The following TIAM2 variants were observed in gnomAD, a reference collection of about 807,000 sequenced individuals.
TIAM2 encodes TIAM Rac1 associated GEF 2, also known as rho guanine nucleotide exchange factor TIAM2.
Under a neutral mutation model 152.9 loss-of-function variants are expected in TIAM2, and 80 were observed. The observed-to-expected ratio is 0.52, with a 90% CI of 0.44 to 0.63. TIAM2 has a LOEUF of 0.63. Ranked by LOEUF, TIAM2 falls within the 30% of genes least tolerant of loss-of-function variation. The pLI, the probability that TIAM2 is intolerant of heterozygous loss-of-function variation, is 0.00. For missense variants in TIAM2, 1,965 were observed against 2,120.1 expected, an observed-to-expected ratio of 0.93 and a Z score of 1.44; for synonymous variants, 804 against 838.0, an observed-to-expected ratio of 0.96 and a Z score of 0.70.
intron 1 of TIAM2, among the ~76,000 whole-genome samples, chr6:155,011,758 AAAC>A (rs778495409): frequency 2.0e-5 from 3 of 152,258 alleles, no homozygotes; most frequent in Non-Finnish European, 4.4e-5. Context: ...GGGAGACAGT[AAAC>A]TTTTGATCAG....
At chr6:155,083,117 A>G (rs1001888080) in intron 1 of TIAM2, among the ~76,000 whole-genome samples, 7 of 151,890 alleles carry the variant, frequency 4.6e-5, no homozygotes, top group Admixed American at 3.9e-4. Context: ...GGAGACCGAG[A>G]CAGGTGGATC....
intron 1 of TIAM2, among the ~76,000 whole-genome samples, chr6:155,082,075 C>T (rs896042821): frequency 1.7e-4 from 26 of 152,040 alleles, no homozygotes; most frequent in African/African-American, 5.3e-4. Flanking sequence ...CAGGCGCAGT[C>T]GCTTACACCT....
intron 16 of TIAM2, among the ~76,000 whole-genome samples, chr6:155,242,467 T>C (rs984648665): frequency 5.9e-5 from 9 of 152,212 alleles, no homozygotes; most frequent in Non-Finnish European, 1.0e-4. Context: ...GCGTGGAATA[T>C]GGTGAGGGAA....
intron 1 of TIAM2, among the ~76,000 whole-genome samples, chr6:155,038,555 A>C (rs1776963310): frequency 6.6e-6 from 1 of 152,200 alleles, no homozygotes; most frequent in Non-Finnish European, 1.5e-5. Context: ...AACTACTAAG[A>C]CAATGCTGAT....
In TIAM2 at chr6:155,029,328, CT is replaced by C. The variant is rs1562294961; in HGVS notation, c.-209+33837del. Among the ~76,000 whole-genome samples, 56 of 106,714 alleles carry C rather than the reference CT, an allele frequency of 5.2e-4. 2 individuals are homozygous for C. Among genetic ancestry groups the C allele is most frequent in the African/African-American group, 1.9e-3 (54 of 28,794 alleles). The allele number at this position is 106,714 out of a possible 152,430, so 70.0% of individuals were successfully genotyped here. A position where few individuals can be genotyped will look rare whatever the true frequency, so the allele number is the denominator to read the frequency against. The stretch of plus-strand genomic sequence containing the variant: ...CTATGTGTTATATATACTATATGTA[CT>C]ATGTGTTATATATAATATATATACG... On this transcript the variant is annotated intron_variant, in intron 1 of 26. Coordinates refer to ENST00000682666, the MANE Select transcript of TIAM2 (RefSeq NM_012454.4).
Position 155,218,594 on chromosome 6 carries a change from C to T in TIAM2, c.3168+7287C>T, listed in dbSNP as rs1222099452. On this transcript the variant is annotated intron_variant, in intron 15 of 26. Coordinates refer to ENST00000682666, the MANE Select transcript of TIAM2 (RefSeq NM_012454.4). This position sits in a 1 kb window ranked among gnomAD's most constrained non-coding sequence, Gnocchi z 4.5. ...ACGTGAGATTATGTCCAACTAGGAG[C>T]ACTGGAAGCAGGGGAGAGAGGATTA... Among the ~76,000 whole-genome samples, 1 of 152,184 alleles carries T rather than the reference C, an allele frequency of 6.6e-6. No homozygotes were observed. Among genetic ancestry groups the T allele is most frequent in the Non-Finnish European group, 1.5e-5 (1 of 68,038 alleles).
intron 15 of TIAM2, among the ~76,000 whole-genome samples, chr6:155,229,100 C>T (rs1021290397): frequency 6.6e-6 from 1 of 152,240 alleles, no homozygotes; most frequent in Non-Finnish European, 1.5e-5. Context: ...TCATTCCAGC[C>T]CTGGCCTTCT....
intron 2 of TIAM2, among the ~76,000 whole-genome samples, chr6:155,099,218 ATATGTGTG>A (rs1238555042): frequency 1.4e-3 from 80 of 57,718 alleles, no homozygotes; most frequent in African/African-American, 4.2e-3. Flanking sequence ...GTGTATATAT[ATATGTGTG>A]TGTGTGTGTG....
At chr6:155,217,752 G>A (rs535720593) in intron 15 of TIAM2, among the ~76,000 whole-genome samples, 4 of 152,298 alleles carry the variant, frequency 2.6e-5, no homozygotes, top group Non-Finnish European at 4.4e-5. Flanking sequence ...GATACACAGC[G>A]TGACAACTGT....
intron 6 of TIAM2, among the ~76,000 whole-genome samples, chr6:155,145,213 G>A (rs1470800476): frequency 6.6e-6 from 1 of 152,176 alleles, no homozygotes; most frequent in Non-Finnish European, 1.5e-5. Flanking sequence ...AACCCTCATA[G>A]ACAAATGCTA....
chr6:155,177,606 T>A (rs1780787548), intron 10 of TIAM2, among the ~76,000 whole-genome samples: 1 of 152,210 alleles, frequency 6.6e-6, no homozygotes, highest in South Asian at 2.1e-4. Context: ...GAAAATACAA[T>A]CAACTATGTT....
intron 1 of TIAM2, among the ~76,000 whole-genome samples, chr6:155,054,008 A>G (rs955660859): frequency 5.3e-5 from 8 of 152,118 alleles, no homozygotes; most frequent in Non-Finnish European, 7.4e-5. Flanking sequence ...CCCTGTCTCT[A>G]CTAAAAATAC....
chr6:155,256,772 A>AAGAC lies in TIAM2; in HGVS notation c.4759_4762dup (p.Ile1588ArgfsTer22), dbSNP rs1241853167. On this transcript the variant is annotated frameshift_variant, in exon 27 of 27. Transcript: ENST00000682666. LOFTEE classifies it low-confidence loss of function (END_TRUNC). ...ACTGTGAAGCAGGGCAGCCCTACTAAAGACATCGAAATTCAGTTCCAGAGA... is the reference window on the plus strand; with the variant it reads ...ACTGTGAAGCAGGGCAGCCCTACTAAAGACAGACATCGAAATTCAGTTCCAGAGA... 6.2e-7 allele frequency: 1 copy of AAGAC among 1,614,060 alleles called. No individual in the cohort carries two copies. Among genetic ancestry groups the AAGAC allele is most frequent in the Non-Finnish European group, 8.5e-7 (1 of 1,180,046 alleles).
At chr6:155,165,489 A>G (rs1013214038) in intron 9 of TIAM2, 80 bp downstream of exon 9, 25 of 1,520,312 alleles carry the variant, frequency 1.6e-5, no homozygotes, top group African/African-American at 9.7e-5. Flanking sequence ...TGAATCATCA[A>G]TGTTCATTCT....
intron 1 of TIAM2, among the ~76,000 whole-genome samples, chr6:155,014,668 G>A (rs1263495809): frequency 1.3e-5 from 2 of 152,066 alleles, no homozygotes; most frequent in South Asian, 4.1e-4. Flanking sequence ...TCAATTGTGA[G>A]TTCTTGTCAT....
At chr6:155,247,318 T>C (rs1783388451) in intron 19 of TIAM2, among the ~76,000 whole-genome samples, 1 of 152,114 alleles carries the variant, frequency 6.6e-6, no homozygotes, top group Admixed American at 6.5e-5. Context: ...ATAACATTGC[T>C]TAATGGCTTT....
chr6:155,144,438 C>T (rs1779779096), intron 5 of TIAM2, among the ~76,000 whole-genome samples, 168 bp from the exon 6 acceptor site: 1 of 152,224 alleles, frequency 6.6e-6, no homozygotes, highest in South Asian at 2.1e-4. Flanking sequence ...CAAGTTCATT[C>T]TGATACAACT....
intron 1 of TIAM2, among the ~76,000 whole-genome samples, chr6:155,030,630 C>T (rs1172097003): frequency 6.6e-6 from 1 of 152,132 alleles, no homozygotes; most frequent in Non-Finnish European, 1.5e-5. Context: ...GATTGGTTTC[C>T]TCATGTGATT....
chr6:155,251,092 C>T, intron 22 of TIAM2, 71 bp downstream of exon 22: 1 of 1,336,908 alleles, frequency 7.5e-7, no homozygotes. Context: ...ACTAGCCGCA[C>T]CAGTCCAGCT....
Sources: allele counts gnomAD v4.1 joint callset (sites outside exome capture counted in the v4.1 genomes callset), GRCh38; gene constraint gnomAD v4.1.1; non-coding constraint Gnocchi (gnomAD v3.1); transcripts MANE v1.5; gene names NCBI Gene and HGNC (gene_info 2026-07-23, HGNC 2026-07-21).